Variants in WDR5 observed in about 807,000 individuals in gnomAD.
The protein encoded by WDR5 is WD repeat-containing protein 5.
For synonymous variants in WDR5, 144 were observed against 161.6 expected (o/e 0.89, Z 0.83); for missense variants, 187 against 416.9 (o/e 0.45, Z 4.80).
At chr9:134,136,897 C>T (rs2132515076) in intron 1 of WDR5, among the ~76,000 whole-genome samples, 2 of 152,294 alleles carry the variant, frequency 1.3e-5, no homozygotes, top group South Asian at 4.1e-4. Context: ...TCCTCAAATG[C>T]TAGTTTAATC....
intron 3 of WDR5, among the ~76,000 whole-genome samples, chr9:134,141,109 C>T (rs1831865943): frequency 6.6e-6 from 1 of 152,134 alleles, no homozygotes; most frequent in African/African-American, 2.4e-5. Context: ...TGGTGAAACC[C>T]TGTCTCTATT....
chr9:134,139,983 C>T (rs1481880595), intron 2 of WDR5, 25 bp downstream of exon 2: 61 of 1,613,010 alleles, frequency 3.8e-5, no homozygotes, highest in Non-Finnish European at 4.9e-5. Context: ...GCCCCTTGGA[C>T]ACCTTCCGGG....
chr9:134,139,717 A>T (rs779768488), intron 1 of WDR5, 103 bp from the exon 2 acceptor site: 7 of 722,724 alleles, frequency 9.7e-6, no homozygotes, highest in African/African-American at 1.8e-5. Context: ...TACAGGGCTC[A>T]ATATGGTAGT....
At chr9:134,139,708 A>C in intron 1 of WDR5, 112 bp from the exon 2 acceptor site, 2 of 679,756 alleles carry the variant, frequency 2.9e-6, no homozygotes, top group South Asian at 3.8e-5. Context: ...TTTGTTTGCT[A>C]CAGGGCTCAA....
chr9:134,145,412 A>C (rs1225030620), intron 7 of WDR5, among the ~76,000 whole-genome samples: 1 of 152,028 alleles, frequency 6.6e-6, no homozygotes, highest in Non-Finnish European at 1.5e-5. Flanking sequence ...GGCACCTTTG[A>C]TGTCTGCGCA....
chr9:134,151,195 G>A, intron 8 of WDR5, among the ~76,000 whole-genome samples: 1 of 152,174 alleles, frequency 6.6e-6, no homozygotes, highest in Non-Finnish European at 1.5e-5. Flanking sequence ...AACCCTGGGT[G>A]AAGTGTCTGA....
rs372737744 is a variant in WDR5 at position 134,139,978 on chromosome 9, T to G, written c.81+20T>G. ...AGCAAGGTGCGTGCCCAGGGGCCCCTTGGACACCTTCCGGGGGCAAATACG... is the reference window on the plus strand; with the variant it reads ...AGCAAGGTGCGTGCCCAGGGGCCCCGTGGACACCTTCCGGGGGCAAATACG... On this transcript the variant is annotated intron_variant, in intron 2 of 13. Transcript: ENST00000358625. 1 of 1,613,388 alleles carries G rather than the reference T, an allele frequency of 6.2e-7. No homozygotes were observed.
At chr9:134,148,823 C>T (rs1228353096) in intron 8 of WDR5, among the ~76,000 whole-genome samples, 1 of 152,104 alleles carries the variant, frequency 6.6e-6, no homozygotes, top group East Asian at 1.9e-4. Flanking sequence ...AGAAAGCCCA[C>T]CTAGGTCTCA....
chr9:134,159,561 G>A lies in WDR5; in HGVS notation c.*1568G>A, dbSNP rs1050678355. The A allele has an allele frequency of 5.9e-5, 9 of 152,250 alleles. No individual in the cohort carries two copies. Among genetic ancestry groups the A allele is most frequent in the African/African-American group, 2.2e-4 (9 of 41,438 alleles). 9.4% of individuals were successfully genotyped at this position (152,250 alleles called of 1,614,324 possible). ...GTCCTCGAGTGGCAGGGGTGAGGAG[G>A]GGATTATCTGAGGCATCTGGAGATG... On this transcript the variant is annotated 3_prime_UTR_variant, in exon 14 of 14. Transcript: ENST00000358625. This position sits in a 1 kb window ranked among gnomAD's most constrained non-coding sequence, Gnocchi z 4.3.
chr9:134,155,214 G>A (rs138913241), intron 10 of WDR5, 126 bp from the exon 11 acceptor site: 1 of 1,182,614 alleles, frequency 8.5e-7, no homozygotes, highest in African/African-American at 1.6e-5. Context: ...GGGGAAGGGG[G>A]TTCCAGCCCC....
intron 7 of WDR5, among the ~76,000 whole-genome samples, chr9:134,144,105 C>T (rs1432038002): frequency 6.6e-6 from 1 of 152,254 alleles, no homozygotes; most frequent in East Asian, 1.9e-4. Context: ...AGTGAGATGG[C>T]AGGCGAAGCC....
chr9:134,157,895 G>T lies in WDR5; in HGVS notation c.907G>T (p.Val303Phe). Residue 303 changes from valine to phenylalanine, a missense_variant and splice_region_variant, in exon 14 of 14, where the codon GTC becomes TTC. Coordinates refer to ENST00000358625, the MANE Select transcript of WDR5 (RefSeq NM_017588.3). This position sits in a 1 kb window ranked among gnomAD's most constrained non-coding sequence, Gnocchi z 5.0. Reference sequence around the variant, plus strand: ...TCTGACTGTGTCTTTGTTTTCAGATGTCGTGATCTCAACAGCTTGTCACCC... The same window carrying T: ...TCTGACTGTGTCTTTGTTTTCAGATTTCGTGATCTCAACAGCTTGTCACCC... ...IVQKLQGHTD[V>F]VISTACHPTE... 1 of 1,614,008 alleles carries T rather than the reference G, an allele frequency of 6.2e-7. No homozygotes were observed. Among genetic ancestry groups the T allele is most frequent in the Non-Finnish European group, 8.5e-7 (1 of 1,179,886 alleles).
intron 7 of WDR5, among the ~76,000 whole-genome samples, chr9:134,147,651 A>G (rs941358088): frequency 2.0e-5 from 3 of 152,064 alleles, no homozygotes; most frequent in Admixed American, 6.6e-5. Flanking sequence ...GTGTGGCTTG[A>G]TTTCACCCAG....
chr9:134,149,497 G>A (rs935745242), intron 8 of WDR5, among the ~76,000 whole-genome samples: 1 of 152,192 alleles, frequency 6.6e-6, no homozygotes, highest in Non-Finnish European at 1.5e-5. Context: ...CAGAGGGGAG[G>A]GGTGCACAGG....
intron 7 of WDR5, among the ~76,000 whole-genome samples, chr9:134,144,925 G>A (rs980263023): frequency 1.3e-5 from 2 of 151,896 alleles, no homozygotes; most frequent in Non-Finnish European, 2.9e-5. Context: ...AGGTGGAGTC[G>A]GTCCCTCTGT....
At chr9:134,140,108 T>G in intron 2 of WDR5, 150 bp downstream of exon 2, 1 of 924,714 alleles carries the variant, frequency 1.1e-6, no homozygotes, top group Non-Finnish European at 1.6e-6. Flanking sequence ...TGGCGAATGC[T>G]TGTTGCCTGC....
intron 7 of WDR5, among the ~76,000 whole-genome samples, chr9:134,143,672 C>T (rs539142958): frequency 6.6e-6 from 1 of 151,984 alleles, no homozygotes; most frequent in Admixed American, 6.5e-5. Flanking sequence ...AGACTACAGG[C>T]GCCCACCACC....
At position 134,141,541 on chromosome 9, in the gene WDR5, G is replaced by T; in HGVS notation, c.222G>T (p.Ala74=). 3 of 1,614,044 alleles carry T rather than the reference G, an allele frequency of 1.9e-6. No individual in the cohort carries two copies. The highest frequency in any genetic ancestry group is 2.5e-6 in the Non-Finnish European group (3 of 1,179,984). ...SADKLIKIWG[A]YDGKFEKTIS... ...ATAAACTTATTAAAATTTGGGGCGC[G>T]TATGATGGGAAATTTGAGAAAACCA... is the stretch of plus-strand genomic sequence containing the variant. The change falls in exon 4 of 14, where the codon GCG becomes GCT. Residue 74 remains alanine (A), a synonymous_variant. Transcript: ENST00000358625.
intron 9 of WDR5, 138 bp from the exon 10 acceptor site, chr9:134,154,328 G>A: frequency 1.2e-6 from 1 of 858,268 alleles, no homozygotes; most frequent in East Asian, 2.4e-5. Context: ...GGGCGGCGAG[G>A]GGTGGTGGTG....
Sources: gnomAD v4.1 joint callset for allele counts (sites outside exome capture counted in the v4.1 genomes callset) on GRCh38, gnomAD v4.1.1 for gene constraint, Gnocchi (gnomAD v3.1) non-coding constraint, MANE v1.5 for transcripts, NCBI Gene and HGNC (gene_info 2026-07-23, HGNC 2026-07-21) for gene names.